Variants in SULF1 observed in about 807,000 individuals in gnomAD.
SULF1 encodes the protein sulfatase 1, also known as extracellular sulfatase Sulf-1.
SULF1 carries 46 observed loss-of-function variants against 110.5 expected under a neutral mutation model. That is an observed-to-expected ratio of 0.42 (90% CI 0.33 to 0.53). The LOEUF is 0.53. Ranked by LOEUF, SULF1 falls within the 20% of genes least tolerant of loss-of-function variation. The pLI is 0.12. For synonymous variants in SULF1, 371 were observed against 387.1 expected, an observed-to-expected ratio of 0.96 and a Z score of 0.49; for missense variants, 941 against 1,094.2, an observed-to-expected ratio of 0.86 and a Z score of 1.98.
At chr8:69,633,278 T>C (rs1021544194) in intron 19 of SULF1, among the ~76,000 whole-genome samples, 3 of 152,064 alleles carry the variant, frequency 2.0e-5, no homozygotes, top group Admixed American at 6.5e-5. Flanking sequence ...CAGAAAGATT[T>C]TCTGGTTCCA....
intron 22 of SULF1, 95 bp downstream of exon 22, chr8:69,640,936 C>T: frequency 8.4e-7 from 1 of 1,186,706 alleles, no homozygotes; most frequent in Non-Finnish European, 1.2e-6. Context: ...CCGTGTTGCA[C>T]AGAGCAAAGC....
At chr8:69,578,510 C>T (rs1306699684) in intron 6 of SULF1, among the ~76,000 whole-genome samples, 5 of 104,658 alleles carry the variant, frequency 4.8e-5, no homozygotes, top group African/African-American at 1.5e-4. Flanking sequence ...CCCCTCCCCC[C>T]ACCCCACAAC....
At chr8:69,484,953 C>G (rs1165240556) in intron 1 of SULF1, among the ~76,000 whole-genome samples, 2 of 152,090 alleles carry the variant, frequency 1.3e-5, no homozygotes, top group Admixed American at 6.6e-5. Context: ...ACTGTCCTGC[C>G]TCAGCCTCCT....
intron 3 of SULF1, among the ~76,000 whole-genome samples, chr8:69,559,698 T>C (rs548342850): frequency 6.6e-6 from 1 of 152,338 alleles, no homozygotes; most frequent in Admixed American, 6.5e-5. Context: ...CCACTTTAGC[T>C]TGCAGCTCAG....
intron 3 of SULF1, among the ~76,000 whole-genome samples, chr8:69,553,363 A>C (rs1027013982): frequency 6.6e-6 from 1 of 152,246 alleles, no homozygotes; most frequent in Non-Finnish European, 1.5e-5. Context: ...ACCCTGATTG[A>C]AACTAAATAC....
At chr8:69,515,379 T>G (rs1379224572) in intron 3 of SULF1, among the ~76,000 whole-genome samples, 2 of 152,212 alleles carry the variant, frequency 1.3e-5, no homozygotes, top group African/African-American at 4.8e-5. Flanking sequence ...TAGCCATGGC[T>G]GGAGTTGGAG....
intron 19 of SULF1, among the ~76,000 whole-genome samples, chr8:69,632,404 A>C (rs551585440): frequency 3.5e-4 from 54 of 152,312 alleles, no homozygotes; most frequent in Non-Finnish European, 6.5e-4. Context: ...TATGTAATAT[A>C]TATACTAAAG....
chr8:69,479,108 C>T (rs1297092547), intron 1 of SULF1, among the ~76,000 whole-genome samples: 1 of 152,172 alleles, frequency 6.6e-6, no homozygotes, highest in African/African-American at 2.4e-5. Context: ...TGGATTCCAT[C>T]CAGAAACAGA....
intron 22 of SULF1, among the ~76,000 whole-genome samples, chr8:69,654,721 G>A (rs1812588315): frequency 6.6e-6 from 1 of 152,180 alleles, no homozygotes; most frequent in African/African-American, 2.4e-5. Flanking sequence ...AGAGAAATCT[G>A]TCCAGTGGGG....
At chr8:69,621,370 C>A in intron 14 of SULF1, 119 bp downstream of exon 14, 1 of 645,264 alleles carries the variant, frequency 1.5e-6, no homozygotes, top group South Asian at 2.8e-5. Flanking sequence ...CATTTTCAGG[C>A]TAAAAGCACA....
At chr8:69,600,150 G>A (rs115573666) in intron 8 of SULF1, among the ~76,000 whole-genome samples, 57 of 152,084 alleles carry the variant, frequency 3.7e-4, no homozygotes, top group African/African-American at 1.4e-3. Flanking sequence ...GAAAAAATGT[G>A]TTGAAATGAT....
chr8:69,553,893 T>C (rs1814899000), intron 3 of SULF1, among the ~76,000 whole-genome samples: 1 of 152,228 alleles, frequency 6.6e-6, no homozygotes, highest in Non-Finnish European at 1.5e-5. Context: ...GACTGAGATA[T>C]TAAAATCAGC....
chr8:69,526,273 G>C (rs1414534403), intron 3 of SULF1, among the ~76,000 whole-genome samples: 1 of 151,952 alleles, frequency 6.6e-6, no homozygotes, highest in African/African-American at 2.4e-5. Flanking sequence ...TAAAGATAAA[G>C]GACTTCTCCC....
rs536446151 is a variant in SULF1 at position 69,537,595 on chromosome 8, T to C, written c.-133-25944T>C. Among the ~76,000 whole-genome samples the C allele has an allele frequency of 4.0e-3, 604 of 152,368 alleles. 3 individuals are homozygous for C. Among genetic ancestry groups the C allele is most frequent in the Non-Finnish European group, 7.5e-3 (510 of 68,034 alleles). ...GTGAATCATTCAAGGGGATTCGTCC[T>C]CATGACTAAGCCATCTTCTGACACT... is the stretch of plus-strand genomic sequence containing the variant. On this transcript the variant is annotated intron_variant, in intron 3 of 22. Coordinates refer to ENST00000402687, the MANE Select transcript of SULF1 (RefSeq NM_001128205.2).
intron 3 of SULF1, among the ~76,000 whole-genome samples, chr8:69,544,251 GTTTTTTTTTGTT>G (rs1451620405): frequency 6.7e-6 from 1 of 150,216 alleles, no homozygotes; most frequent in Admixed American, 6.6e-5. Flanking sequence ...CAAAACAAAT[GTTTTTTTTTGTT>G]TGTTTTTTTG....
chr8:69,506,162 G>A (rs1811181598), intron 3 of SULF1, among the ~76,000 whole-genome samples: 1 of 151,866 alleles, frequency 6.6e-6, no homozygotes, highest in Non-Finnish European at 1.5e-5. Flanking sequence ...TTTGTGCATT[G>A]TGTTCCATTA....
intron 1 of SULF1, among the ~76,000 whole-genome samples, chr8:69,493,798 G>A (rs1314335873): frequency 6.6e-6 from 1 of 152,158 alleles, no homozygotes; most frequent in Admixed American, 6.5e-5. Flanking sequence ...TTTAAGCACA[G>A]GCAAAACTCA....
chr8:69,649,582 T>C (rs1207901232), intron 22 of SULF1, among the ~76,000 whole-genome samples: 2 of 152,342 alleles, frequency 1.3e-5, no homozygotes, highest in East Asian at 3.9e-4. Flanking sequence ...TATTCTTTTA[T>C]CTGGAACAGT....
intron 7 of SULF1, among the ~76,000 whole-genome samples, chr8:69,586,915 T>C (rs902818449): frequency 5.3e-5 from 8 of 152,224 alleles, no homozygotes; most frequent in Non-Finnish European, 7.3e-5. Context: ...GGCACAAGCA[T>C]AAGAGCAAAT....
Sources: gnomAD v4.1 joint callset for allele counts (sites outside exome capture counted in the v4.1 genomes callset) on GRCh38, gnomAD v4.1.1 for gene constraint, MANE v1.5 for transcripts, NCBI Gene and HGNC (gene_info 2026-07-23, HGNC 2026-07-21) for gene names.